Variants in NR3C2 observed in about 807,000 individuals in gnomAD.
The protein encoded by NR3C2 is mineralocorticoid receptor.
NR3C2 carries 15 observed loss-of-function variants against 86.4 expected under a neutral mutation model. That is an observed-to-expected ratio of 0.17 (90% CI 0.12 to 0.27). The LOEUF is 0.27. Among genes scored for constraint, NR3C2 ranks in the 10% least tolerant of loss-of-function variants. The pLI, the probability that NR3C2 is intolerant of heterozygous loss-of-function variation, is 1.00. For missense variants in NR3C2, 960 were observed against 1,195.6 expected (o/e 0.80, Z 2.91); for synonymous variants, 458 against 450.5 (o/e 1.02, Z -0.21).
intron 3 of NR3C2, among the ~76,000 whole-genome samples, chr4:148,237,353 T>G (rs753452792): frequency 1.3e-5 from 2 of 152,170 alleles, no homozygotes; most frequent in Admixed American, 1.3e-4. Flanking sequence ...CTGGAGGTGC[T>G]CCCCAAAACT....
intron 2 of NR3C2, among the ~76,000 whole-genome samples, chr4:148,262,782 A>C (rs1740189453): frequency 2.0e-5 from 3 of 152,174 alleles, no homozygotes; most frequent in African/African-American, 7.2e-5. Flanking sequence ...TGTTTAGATT[A>C]AGGCAGGGAG....
At position 148,104,994 on chromosome 4, in the gene NR3C2, G is replaced by A. The variant is rs569558821; in HGVS notation, c.2799+9110C>T. ...GACAGAATAAAATATGAAGTGAGTG[G>A]GCTATCCAAGTAAATGGTGGACATA... On this transcript the variant is annotated intron_variant, in intron 8 of 8. Transcript: ENST00000358102. Among the ~76,000 whole-genome samples the A allele has an allele frequency of 5.9e-5, 9 of 152,166 alleles. No homozygotes were observed. The South Asian group carries it at 1.9e-3, about 32-fold the overall frequency.
At chr4:148,402,335 A>G (rs1043939492) in intron 2 of NR3C2, among the ~76,000 whole-genome samples, 1 of 152,214 alleles carries the variant, frequency 6.6e-6, no homozygotes, top group African/African-American at 2.4e-5. Context: ...AATACCAAAG[A>G]CACTCAATAA....
intron 3 of NR3C2, among the ~76,000 whole-genome samples, chr4:148,238,209 T>C (rs1738839993): frequency 6.6e-6 from 1 of 152,204 alleles, no homozygotes; most frequent in African/African-American, 2.4e-5. Flanking sequence ...CACTCAAATT[T>C]ATCTATGGTA....
intron 8 of NR3C2, among the ~76,000 whole-genome samples, chr4:148,088,438 C>A (rs1730913191): frequency 6.6e-6 from 1 of 152,042 alleles, no homozygotes; most frequent in Admixed American, 6.5e-5. Flanking sequence ...CGGCACTGTT[C>A]AAAATAGCAA....
chr4:148,319,194 T>A (rs1163371129), intron 2 of NR3C2, among the ~76,000 whole-genome samples: 1 of 151,962 alleles, frequency 6.6e-6, no homozygotes, highest in African/African-American at 2.4e-5. Context: ...TGTAGATATG[T>A]GGCATTATTT....
At chr4:148,407,790 T>C (rs1748495050) in intron 2 of NR3C2, among the ~76,000 whole-genome samples, 2 of 152,196 alleles carry the variant, frequency 1.3e-5, no homozygotes, top group Admixed American at 6.5e-5. Flanking sequence ...ATTGAAGTAC[T>C]GTAAAATGGC....
chr4:148,395,455 A>C (rs1747813641), intron 2 of NR3C2, among the ~76,000 whole-genome samples: 1 of 152,216 alleles, frequency 6.6e-6, no homozygotes. Context: ...CATAGTTACA[A>C]CTGTACCACA....
intron 8 of NR3C2, among the ~76,000 whole-genome samples, chr4:148,112,990 C>T (rs181256510): frequency 6.6e-6 from 1 of 152,284 alleles, no homozygotes; most frequent in East Asian, 1.9e-4. Flanking sequence ...GGAAACTTCA[C>T]AAATATGAAG....
At chr4:148,423,112 T>C (rs1359963493) in intron 2 of NR3C2, among the ~76,000 whole-genome samples, 4 of 152,170 alleles carry the variant, frequency 2.6e-5, no homozygotes, top group African/African-American at 9.7e-5. Flanking sequence ...GTTGGGCTCC[T>C]ATCTGCCTAA....
chr4:148,408,096 T>A, intron 2 of NR3C2, among the ~76,000 whole-genome samples: 1 of 152,130 alleles, frequency 6.6e-6, no homozygotes, highest in Admixed American at 6.6e-5. Flanking sequence ...CAACCCAACA[T>A]GTGGCTGAAT....
intron 2 of NR3C2, among the ~76,000 whole-genome samples, chr4:148,423,429 C>G (rs1579281507): frequency 1.3e-5 from 2 of 152,144 alleles, no homozygotes; most frequent in East Asian, 3.9e-4. Flanking sequence ...TACCAATCTT[C>G]AAACATCTAC....
intron 2 of NR3C2, among the ~76,000 whole-genome samples, chr4:148,290,869 G>C (rs987828770): frequency 6.6e-6 from 1 of 152,152 alleles, no homozygotes; most frequent in African/African-American, 2.4e-5. Flanking sequence ...TCAGTTTAAA[G>C]AGAAGATGGT....
intron 2 of NR3C2, among the ~76,000 whole-genome samples, chr4:148,364,242 C>T (rs1391194229): frequency 6.6e-6 from 1 of 152,176 alleles, no homozygotes; most frequent in Non-Finnish European, 1.5e-5. Flanking sequence ...CGAGGAGCTT[C>T]GCCATACTAC....
chr4:148,363,658 C>A (rs1027462145), intron 2 of NR3C2, among the ~76,000 whole-genome samples: 1 of 152,074 alleles, frequency 6.6e-6, no homozygotes, highest in African/African-American at 2.4e-5. Context: ...TGCCCACCAC[C>A]ACGCCCGGCT....
chr4:148,401,646 T>C (rs1426148182), intron 2 of NR3C2, among the ~76,000 whole-genome samples: 1 of 151,920 alleles, frequency 6.6e-6, no homozygotes, highest in Non-Finnish European at 1.5e-5. Flanking sequence ...GTATTTTTAG[T>C]AGAGACGGGA....
At chr4:148,318,728 T>A (rs1033145533) in intron 2 of NR3C2, among the ~76,000 whole-genome samples, 1 of 152,018 alleles carries the variant, frequency 6.6e-6, no homozygotes, top group Non-Finnish European at 1.5e-5. Context: ...GGGTTGTTTG[T>A]TTTTTTCTTG....
At chr4:148,178,721 C>G (rs767384421) in intron 4 of NR3C2, among the ~76,000 whole-genome samples, 3 of 151,288 alleles carry the variant, frequency 2.0e-5, no homozygotes, top group Non-Finnish European at 3.0e-5. Context: ...TCTCTCAGCC[C>G]AATCGGAAGC....
rs540200982 is a variant in NR3C2 at position 148,331,043 on chromosome 4, T to A, written c.1758-70926A>T. Among the ~76,000 whole-genome samples the A allele has an allele frequency of 2.8e-4, 43 of 152,292 alleles. No homozygotes were observed. In the East Asian group the frequency reaches 7.3e-3, roughly 26 times the overall value. On this transcript the variant is annotated intron_variant, in intron 2 of 8. Transcript: ENST00000358102. ...AAACCAATTAAACCTCCTTCCTTTA[T>A]AAAATTACCCAGTCTCAAGTATTCC...
Sources: gnomAD v4.1 joint callset for allele counts (sites outside exome capture counted in the v4.1 genomes callset) on GRCh38, gnomAD v4.1.1 for gene constraint, MANE v1.5 for transcripts, NCBI Gene and HGNC (gene_info 2026-07-23, HGNC 2026-07-21) for gene names.